STK33: variants seen among roughly 807,000 people sequenced by gnomAD.
The protein encoded by STK33 is serine/threonine kinase 33.
A neutral mutation model predicts 58.0 loss-of-function variants in STK33; 52 were observed. The observed-to-expected ratio is 0.90, with a 90% confidence interval of 0.72 to 1.13. The LOEUF (loss-of-function observed/expected upper bound fraction) is 1.13, where lower values mean the gene tolerates loss of function less well. Ranked by LOEUF, STK33 falls within the 50% of genes most tolerant of loss-of-function variation. The pLI, the probability that STK33 is intolerant of heterozygous loss-of-function variation, is 0.00. For synonymous variants in STK33, 215 were observed against 200.1 expected (o/e 1.07, Z -0.63); for missense variants, 630 against 604.2 (o/e 1.04, Z -0.45).
intron 1 of STK33, among the ~76,000 whole-genome samples, chr11:8,530,388 G>C (rs1954432501): frequency 6.6e-6 from 1 of 151,716 alleles, no homozygotes; most frequent in Admixed American, 6.6e-5. Flanking sequence ...AGAGGGTCCT[G>C]GTGGGGGAAA....
At chr11:8,529,205 G>A (rs2140082139) in intron 1 of STK33, among the ~76,000 whole-genome samples, 2 of 152,240 alleles carry the variant, frequency 1.3e-5, no homozygotes, top group East Asian at 3.9e-4. Flanking sequence ...ACAGTGTAGA[G>A]ACAAAGATTC....
intron 15 of STK33, among the ~76,000 whole-genome samples, chr11:8,409,388 T>G (rs1331433969): frequency 6.6e-6 from 1 of 152,194 alleles, no homozygotes; most frequent in East Asian, 1.9e-4. Flanking sequence ...ACTTTTAAGG[T>G]CTCTGCTTTC....
intron 6 of STK33, among the ~76,000 whole-genome samples, chr11:8,468,352 G>A (rs564808672): frequency 1.3e-5 from 2 of 152,152 alleles, no homozygotes; most frequent in Non-Finnish European, 2.9e-5. Context: ...TGAGATTTGG[G>A]TGGGGACACA....
In STK33 at chr11:8,435,991, A is replaced by G. The variant is rs1944014486; in HGVS notation, c.1060+36T>C. 3.2e-6 allele frequency: 4 copies of G among 1,266,934 alleles called. No homozygotes were observed. In the African/African-American group the frequency reaches 4.6e-5, roughly 15 times the overall value. The allele number at this position is 1,266,934 out of a possible 1,614,324, so 78.5% of individuals were successfully genotyped here. A position where few individuals can be genotyped will look rare whatever the true frequency, so the allele number is the denominator to read the frequency against. On this transcript the variant is annotated intron_variant, in intron 13 of 15. Transcript: ENST00000687296. ...AGGCCAACTTTCTTATGTTACTTAT[A>G]TTAGCTTTAGTAAATAATAACGCAT... is the stretch of plus-strand genomic sequence containing the variant.
At chr11:8,413,790 G>C in intron 14 of STK33, 98 bp from the exon 15 acceptor site, 1 of 1,067,710 alleles carries the variant, frequency 9.4e-7, no homozygotes, top group Non-Finnish European at 1.4e-6. Flanking sequence ...TTCAGTAATA[G>C]TCACATGGAA....
intron 1 of STK33, among the ~76,000 whole-genome samples, chr11:8,540,585 T>C (rs1380607030): frequency 1.3e-5 from 2 of 152,088 alleles, no homozygotes; most frequent in African/African-American, 2.4e-5. Flanking sequence ...GATCCTGCCA[T>C]TTGCTACAAA....
chr11:8,472,047 C>T (rs1185974703), intron 6 of STK33, among the ~76,000 whole-genome samples: 2 of 152,236 alleles, frequency 1.3e-5, no homozygotes, highest in East Asian at 3.9e-4. Context: ...CATCTCAGCA[C>T]CCCACAGTAG....
intron 8 of STK33, among the ~76,000 whole-genome samples, chr11:8,457,824 T>C (rs765844397): frequency 6.6e-5 from 10 of 152,180 alleles, no homozygotes; most frequent in Non-Finnish European, 2.9e-5. Context: ...TAGGGATTTA[T>C]AGATAGAGAA....
intron 1 of STK33, among the ~76,000 whole-genome samples, chr11:8,572,898 A>G (rs1206489110): frequency 6.6e-6 from 1 of 152,172 alleles, no homozygotes; most frequent in South Asian, 2.1e-4. Context: ...ATGCTCAAGG[A>G]AAAAATGAAC....
intron 1 of STK33, among the ~76,000 whole-genome samples, chr11:8,523,110 C>G (rs1953642847): frequency 6.6e-6 from 1 of 152,230 alleles, no homozygotes; most frequent in Non-Finnish European, 1.5e-5. Flanking sequence ...GTTGCCCAGG[C>G]TGGAGGGCAG....
chr11:8,583,823 T>G (rs1204028057), intron 1 of STK33, among the ~76,000 whole-genome samples: 2 of 152,204 alleles, frequency 1.3e-5, no homozygotes, highest in East Asian at 1.9e-4. Context: ...ATCAGACATT[T>G]TAAGTATTCT....
chr11:8,372,147 T>C, the STK33 span, among the ~76,000 whole-genome samples: 2 of 152,072 alleles, frequency 1.3e-5, no homozygotes, highest in African/African-American at 4.8e-5. Flanking sequence ...GGATTACAGG[T>C]GTGAGCCACC....
intron 11 of STK33, among the ~76,000 whole-genome samples, chr11:8,445,923 C>T (rs1193788269): frequency 1.3e-5 from 2 of 152,160 alleles, no homozygotes; most frequent in Non-Finnish European, 2.9e-5. Context: ...GTCCCTCTTT[C>T]TATTGTTTGG....
chr11:8,388,788 T>C (rs79704630), downstream of STK33, among the ~76,000 whole-genome samples: 2,650 of 152,236 alleles, frequency 0.017, 65 homozygotes, highest in African/African-American at 0.06. Flanking sequence ...TCCCAAACCT[T>C]GAGCCCAGAC....
chr11:8,586,951 T>C (rs1373148662), intron 1 of STK33, among the ~76,000 whole-genome samples: 2 of 152,172 alleles, frequency 1.3e-5, no homozygotes, highest in Non-Finnish European at 2.9e-5. Flanking sequence ...TGGCTCATAA[T>C]TTAGTAAGTG....
At chr11:8,417,691 T>C (rs1209653187) in intron 14 of STK33, among the ~76,000 whole-genome samples, 1 of 152,148 alleles carries the variant, frequency 6.6e-6, no homozygotes, top group African/African-American at 2.4e-5. Context: ...TGGAACACTT[T>C]ATTTAAAAAC....
intron 14 of STK33, among the ~76,000 whole-genome samples, chr11:8,429,630 C>T (rs926395171): frequency 2.6e-5 from 4 of 152,136 alleles, no homozygotes; most frequent in Non-Finnish European, 2.9e-5. Context: ...CTTGCCACCA[C>T]GACAACCATA....
rs148544019 is a variant in STK33 at position 8,483,780 on chromosome 11, G to A, written c.-465-3166C>T. Among the ~76,000 whole-genome samples the A allele has an allele frequency of 3.0e-3, 462 of 152,266 alleles. 2 individuals are homozygous for A. The highest frequency in any genetic ancestry group is 0.011 in the African/African-American group (445 of 41,544). On this transcript the variant is annotated intron_variant, in intron 1 of 15. Coordinates refer to ENST00000687296, the MANE Select transcript of STK33 (RefSeq NM_001352389.2). Reference sequence around the variant, plus strand: ...AATTCACTATAGTCAGTGTTTCAACGTGACAGAATAAATGGCTTATTTCTA... The same window carrying A: ...AATTCACTATAGTCAGTGTTTCAACATGACAGAATAAATGGCTTATTTCTA...
chr11:8,394,199 C>G (rs1311491182), intron 15 of STK33, among the ~76,000 whole-genome samples: 1 of 152,158 alleles, frequency 6.6e-6, no homozygotes, highest in Non-Finnish European at 1.5e-5. Flanking sequence ...TTATCGAAAA[C>G]TCCTTATGTT....
Sources: allele counts gnomAD v4.1 joint callset (sites outside exome capture counted in the v4.1 genomes callset), GRCh38; gene constraint gnomAD v4.1.1; transcripts MANE v1.5; gene names NCBI Gene and HGNC (gene_info 2026-07-23, HGNC 2026-07-21).